Variants in CASP2 observed in about 807,000 individuals in gnomAD.
CASP2 encodes the protein caspase-2.
CASP2 carries 38 observed loss-of-function variants against 54.4 expected under a neutral mutation model. The ratio of observed to expected loss-of-function variants is 0.70; its 90% confidence interval spans 0.54 to 0.92. The LOEUF (loss-of-function observed/expected upper bound fraction) is 0.92. Among genes scored for constraint, CASP2 ranks in the 40% least tolerant of loss-of-function variants. The pLI is 0.00. For synonymous variants in CASP2, 215 were observed against 216.3 expected (o/e 0.99, Z 0.05); for missense variants, 512 against 579.6 (o/e 0.88, Z 1.20).
chr7:143,302,346 T>G (rs1801939932), intron 8 of CASP2: 1 of 152,212 alleles, frequency 6.6e-6, no homozygotes, highest in African/African-American at 2.4e-5. Context: ...CTGGATCTTT[T>G]GCTCTGTCTC....
intron 9 of CASP2, 82 bp from the exon 10 acceptor site, chr7:143,304,592 C>G: frequency 1.1e-6 from 1 of 939,072 alleles, no homozygotes; most frequent in Non-Finnish European, 1.8e-6. Context: ...AGGGAGGGTG[C>G]AGGTGTCATG....
chr7:143,303,509 C>A, intron 8 of CASP2: 2 of 363,592 alleles, frequency 5.5e-6, no homozygotes, highest in South Asian at 5.8e-5. Context: ...TTTTCCCTGT[C>A]TTACACAGAA....
chr7:143,300,942 T>C (rs1801899838), intron 8 of CASP2: 7 of 1,005,284 alleles, frequency 7.0e-6, no homozygotes, highest in Non-Finnish European at 6.0e-6. Context: ...CTTCTCATCC[T>C]GGAGGAAAAT....
chr7:143,296,011 G>C (rs1043978088), intron 6 of CASP2, among the ~76,000 whole-genome samples: 2 of 152,164 alleles, frequency 1.3e-5, no homozygotes, highest in African/African-American at 4.8e-5. Flanking sequence ...TTTTGGTCTA[G>C]CCATGTCTTT....
chr7:143,300,469 C>T, intron 8 of CASP2, 175 bp downstream of exon 8: 2 of 1,594,650 alleles, frequency 1.3e-6, no homozygotes, highest in South Asian at 1.1e-5. Context: ...ATGGGGTGTG[C>T]TGGGACTTGG....
chr7:143,303,765 C>T lies in CASP2; in HGVS notation c.968-19C>T. 2 of 1,612,070 alleles carry T rather than the reference C, an allele frequency of 1.2e-6. No homozygotes were observed. The highest frequency in any genetic ancestry group is 1.7e-6 in the Non-Finnish European group (2 of 1,178,468). On this transcript the variant is annotated intron_variant, in intron 8 of 10. Coordinates refer to ENST00000310447, the MANE Select transcript of CASP2 (RefSeq NM_032982.4). ...GGAAGAAGTAACATCATTGTCCATT[C>T]TGTCTGCCTTTGTTACAGATGAGAC...
intron 4 of CASP2, 70 bp from the exon 5 acceptor site, chr7:143,294,160 G>T: frequency 1.1e-6 from 1 of 886,764 alleles, no homozygotes. Context: ...GATGTCTGAA[G>T]TTACAATGAC....
intron 9 of CASP2, 132 bp from the exon 10 acceptor site, chr7:143,304,542 C>T (rs1374861243): frequency 3.9e-6 from 3 of 761,892 alleles, no homozygotes; most frequent in East Asian, 4.9e-5. Flanking sequence ...CAAAAGAGTA[C>T]CCTCCTAGAC....
At chr7:143,295,236 C>T (rs1165955852) in intron 6 of CASP2, among the ~76,000 whole-genome samples, 2 of 152,130 alleles carry the variant, frequency 1.3e-5, no homozygotes, top group African/African-American at 4.8e-5. Flanking sequence ...CCATGTTGGC[C>T]AGGCTGGTCT....
chr7:143,296,066 T>C (rs1163655145), intron 6 of CASP2, among the ~76,000 whole-genome samples: 2 of 152,232 alleles, frequency 1.3e-5, no homozygotes. Flanking sequence ...TGTATGCAGC[T>C]GATAAAGGAT....
chr7:143,296,305 T>C (rs1355275377), intron 6 of CASP2, among the ~76,000 whole-genome samples: 1 of 152,208 alleles, frequency 6.6e-6, no homozygotes, highest in East Asian at 1.9e-4. Flanking sequence ...AAGCACCTTA[T>C]AATGGGGGAC....
At position 143,305,600 on chromosome 7, in the gene CASP2, C is replaced by G. The variant is rs1410451111; in HGVS notation, c.*529C>G. On this transcript the variant is annotated 3_prime_UTR_variant, in exon 11 of 11. Coordinates refer to ENST00000310447, the MANE Select transcript of CASP2 (RefSeq NM_032982.4). ...GAAGCAAACATGACTAGAGACGCACCTTGCTGCAGTGTCCAGAAGCGGCCT... is the reference window on the plus strand; with the variant it reads ...GAAGCAAACATGACTAGAGACGCACGTTGCTGCAGTGTCCAGAAGCGGCCT... The G allele has an allele frequency of 2.7e-5, 7 of 257,448 alleles. No homozygotes were observed. The highest frequency in any genetic ancestry group is 4.7e-5 in the South Asian group (1 of 21,458). 15.9% of individuals were successfully genotyped at this position (257,448 alleles called of 1,614,324 possible).
At chr7:143,288,646 G>A (rs1801457104) in intron 1 of CASP2, 117 bp downstream of exon 1, 1 of 981,190 alleles carries the variant, frequency 1.0e-6, no homozygotes, top group Non-Finnish European at 1.5e-6. Context: ...AGCCGTGTCC[G>A]CGCTTCCTGC....
In CASP2 at chr7:143,305,214, C is replaced by A. The variant is rs1367492308; in HGVS notation, c.*143C>A. 1.0e-5 allele frequency: 11 copies of A among 1,076,648 alleles called. No homozygotes were observed. The highest frequency in any genetic ancestry group is 1.9e-5 in the Admixed American group (1 of 51,302). 66.7% of individuals were successfully genotyped at this position (1,076,648 alleles called of 1,614,324 possible). A position where few individuals can be genotyped will look rare whatever the true frequency, so the allele number is the denominator to read the frequency against. On this transcript the variant is annotated 3_prime_UTR_variant, in exon 11 of 11. Coordinates refer to ENST00000310447, the MANE Select transcript of CASP2 (RefSeq NM_032982.4). Reference sequence around the variant, plus strand: ...TCCCAGACTTGTTTCCTGTGCCCATCATCTCTGCCTTTGAGTGTGGGACTC... The same window carrying A: ...TCCCAGACTTGTTTCCTGTGCCCATAATCTCTGCCTTTGAGTGTGGGACTC...
Position 143,300,288 on chromosome 7 carries a change from C to G in CASP2, c.961C>G (p.Arg321Gly). ...KPKMFFIQACRGDETDRGVDQ... is the reference protein window; with the variant it reads ...KPKMFFIQACGGDETDRGVDQ... ...AAAAATGTTCTTCATCCAGGCCTGC[C>G]GTGGAGGTGAGTGCCCTAGCAGACC... Residue 321 changes from arginine to glycine, a missense_variant, in exon 8 of 11, where the codon CGT becomes GGT. This residue lies in a region of CASP2 where 417 missense variants were observed against 495.4 expected (regional missense o/e 0.84). Transcript: ENST00000310447. The G allele has an allele frequency of 6.2e-7, 1 of 1,613,906 alleles. No homozygotes were observed. The highest frequency in any genetic ancestry group is 8.5e-7 in the Non-Finnish European group (1 of 1,180,020).
At position 143,288,436 on chromosome 7, in the gene CASP2, G is replaced by A. The variant is rs768903918; in HGVS notation, c.-20G>A. ...TGGGCTGTGGGCGGTGCGCAGCGGAGAGCCCGGGAAAAGCGGGAAATGGCG... is the reference window on the plus strand; with the variant it reads ...TGGGCTGTGGGCGGTGCGCAGCGGAAAGCCCGGGAAAAGCGGGAAATGGCG... On this transcript the variant is annotated 5_prime_UTR_variant, in exon 1 of 11. Coordinates refer to ENST00000310447, the MANE Select transcript of CASP2 (RefSeq NM_032982.4). 1.2e-6 allele frequency: 2 copies of A among 1,611,820 alleles called. No homozygotes were observed. The highest frequency in any genetic ancestry group is 1.7e-5 in the Admixed American group (1 of 59,970).
Position 143,304,695 on chromosome 7 carries a change from C to A in CASP2, c.1139C>A (p.Thr380Asn). 1.9e-6 allele frequency: 3 copies of A among 1,614,124 alleles called. No individual in the cohort carries two copies. The highest frequency in any genetic ancestry group is 2.5e-6 in the Non-Finnish European group (3 of 1,179,986). Residue 380 changes from threonine (T) to asparagine (N), a missense_variant, in exon 10 of 11, where the codon ACC becomes AAC. Transcript: ENST00000310447. Reference sequence around the variant, plus strand: ...GCAGGGACTGCCGCCATGCGGAACACCAAACGAGGTTCCTGGTACATCGAG... The same window carrying A: ...GCAGGGACTGCCGCCATGCGGAACAACAAACGAGGTTCCTGGTACATCGAG... The part of the protein sequence containing the change: ...CLKGTAAMRN[T>N]KRGSWYIEAL...
intron 8 of CASP2, chr7:143,303,485 T>G: frequency 3.8e-6 from 1 of 265,262 alleles, no homozygotes; most frequent in Non-Finnish European, 7.4e-6. Flanking sequence ...TTACAAGGAG[T>G]ATTTGATTTG....
chr7:143,304,632 G>A, intron 9 of CASP2, 42 bp from the exon 10 acceptor site: 1 of 1,423,012 alleles, frequency 7.0e-7, no homozygotes, highest in Non-Finnish European at 9.9e-7. Context: ...GTGCAGCTGT[G>A]TGATGGCATT....
Sources: allele counts gnomAD v4.1 joint callset (sites outside exome capture counted in the v4.1 genomes callset), GRCh38; gene constraint gnomAD v4.1.1; regional missense constraint gnomAD v4.1.1; transcripts MANE v1.5; gene names NCBI Gene and HGNC (gene_info 2026-07-23, HGNC 2026-07-21).